The following WDR64 variants were observed in gnomAD, a reference collection of about 807,000 sequenced individuals.
WDR64 encodes WD repeat domain 64.
WDR64 carries 112 observed loss-of-function variants against 139.3 expected under a neutral mutation model. The observed-to-expected ratio is 0.80, with a 90% CI of 0.69 to 0.94. The LOEUF is 0.94. WDR64 is among the 40% of genes least tolerant of loss of function. WDR64 has a pLI of 0.00. For missense variants in WDR64, 1,206 were observed against 1,293.1 expected, an observed-to-expected ratio of 0.93 and a Z score of 1.03; for synonymous variants, 444 against 437.7, an observed-to-expected ratio of 1.01 and a Z score of -0.18.
chr1:241,729,814 T>G (rs190556611), intron 10 of WDR64, among the ~76,000 whole-genome samples: 2 of 152,172 alleles, frequency 1.3e-5, no homozygotes, highest in Non-Finnish European at 2.9e-5. Flanking sequence ...TGCTTTCTGT[T>G]TGTATGGGAT....
At chr1:241,779,067 T>C (rs1043689801) in intron 21 of WDR64, among the ~76,000 whole-genome samples, 25 of 152,146 alleles carry the variant, frequency 1.6e-4, no homozygotes, top group African/African-American at 6.0e-4. Flanking sequence ...AGTGACAAAT[T>C]ATCTCAATTT....
At chr1:241,692,288 T>C (rs1442078805) in intron 8 of WDR64, among the ~76,000 whole-genome samples, 1 of 152,216 alleles carries the variant, frequency 6.6e-6, no homozygotes, top group Non-Finnish European at 1.5e-5. Flanking sequence ...TTTGTGAATC[T>C]TGACAAGTTC....
intron 8 of WDR64, among the ~76,000 whole-genome samples, chr1:241,702,120 G>C (rs1339354108): frequency 1.3e-5 from 2 of 152,214 alleles, no homozygotes; most frequent in Non-Finnish European, 2.9e-5. Context: ...GTTGCCTGTT[G>C]CAAGACATAA....
chr1:241,794,480 G>A (rs1659298556), intron 25 of WDR64, among the ~76,000 whole-genome samples: 1 of 146,282 alleles, frequency 6.8e-6, no homozygotes, highest in African/African-American at 2.5e-5. Flanking sequence ...ATAATTGAAT[G>A]CCCCACATAT....
At chr1:241,793,412 T>C (rs1320203750) in intron 25 of WDR64, among the ~76,000 whole-genome samples, 2 of 152,144 alleles carry the variant, frequency 1.3e-5, no homozygotes, top group African/African-American at 4.8e-5. Flanking sequence ...GTCATTATTC[T>C]TTAACAGTAT....
chr1:241,691,773 G>T (rs1040848731), intron 8 of WDR64, among the ~76,000 whole-genome samples: 2 of 152,114 alleles, frequency 1.3e-5, no homozygotes, highest in African/African-American at 4.8e-5. Flanking sequence ...CAGCACTTTG[G>T]GGGGCCAAGG....
At chr1:241,662,608 T>G (rs901485065) in intron 2 of WDR64, among the ~76,000 whole-genome samples, 1 of 152,210 alleles carries the variant, frequency 6.6e-6, no homozygotes, top group Non-Finnish European at 1.5e-5. Context: ...GCTCATCATA[T>G]TTGTCATATT....
intron 21 of WDR64, among the ~76,000 whole-genome samples, chr1:241,776,354 C>G (rs1264642543): frequency 2.0e-5 from 3 of 152,150 alleles, no homozygotes; most frequent in Non-Finnish European, 4.4e-5. Flanking sequence ...ACTGGGATTA[C>G]AGGCATGAGC....
In WDR64 at chr1:241,801,812, A is replaced by C. The variant is rs185171875; in HGVS notation, c.*597A>C. On this transcript the variant is annotated 3_prime_UTR_variant, in exon 28 of 28. Coordinates refer to ENST00000437684, the MANE Select transcript of WDR64 (RefSeq NM_001367482.1). ...GAAAGGAAGAAAAATGGGTCATAGA[A>C]ATAGAAAAAGCATAGTAACATGGTA... 3.8e-5 allele frequency: 15 copies of C among 398,374 alleles called. No individual in the cohort carries two copies. The Admixed American group carries it at 5.7e-4, about 15-fold the overall frequency. 24.7% of individuals were successfully genotyped at this position (398,374 alleles called of 1,614,324 possible).
At chr1:241,756,691 G>A (rs549555332) in intron 14 of WDR64, among the ~76,000 whole-genome samples, 1 of 152,238 alleles carries the variant, frequency 6.6e-6, no homozygotes, top group Non-Finnish European at 1.5e-5. Context: ...TAGAGAAGTG[G>A]TTTGGTGATA....
chr1:241,798,672 T>A (rs1215205969), intron 27 of WDR64, among the ~76,000 whole-genome samples: 1 of 152,226 alleles, frequency 6.6e-6, no homozygotes, highest in Non-Finnish European at 1.5e-5. Flanking sequence ...CCCTGCACTG[T>A]TCTGGGCACC....
chr1:241,688,502 C>G (rs886754173), intron 8 of WDR64, among the ~76,000 whole-genome samples: 3 of 152,156 alleles, frequency 2.0e-5, no homozygotes, highest in African/African-American at 7.2e-5. Flanking sequence ...CATCGAGACT[C>G]CTGGCTGCCT....
chr1:241,746,504 A>G (rs1669759579), intron 13 of WDR64, among the ~76,000 whole-genome samples: 1 of 151,348 alleles, frequency 6.6e-6, no homozygotes, highest in African/African-American at 2.5e-5. Flanking sequence ...ACAACGGAAT[A>G]CCATAGAGTG....
At chr1:241,723,985 TAAA>T (rs1668707927) in intron 10 of WDR64, among the ~76,000 whole-genome samples, 1 of 151,492 alleles carries the variant, frequency 6.6e-6, no homozygotes, top group South Asian at 2.1e-4. Flanking sequence ...AATAAGGAAA[TAAA>T]TAAATAAATG....
chr1:241,771,780 AATAT>A (rs1161651730), intron 19 of WDR64, 83 bp downstream of exon 19: 1 of 800,464 alleles, frequency 1.2e-6, no homozygotes, highest in East Asian at 3.4e-5. Flanking sequence ...ATTCTTAATG[AATAT>A]ATATATTCCT....
At chr1:241,670,170 A>AT (rs1666169176) in intron 2 of WDR64, among the ~76,000 whole-genome samples, 1 of 152,058 alleles carries the variant, frequency 6.6e-6, no homozygotes, top group Non-Finnish European at 1.5e-5. Flanking sequence ...TATTTTCTTC[A>AT]TTTTTCAGAG....
intron 2 of WDR64, among the ~76,000 whole-genome samples, chr1:241,666,292 C>G (rs1666025370): frequency 6.6e-6 from 1 of 152,190 alleles, no homozygotes. Flanking sequence ...ATTTGCTGCT[C>G]TTTAACAGCA....
Position 241,800,830 on chromosome 1 carries a change from C to CTTGTT in WDR64, c.3193-288_3193-284dup, listed in dbSNP as rs548337299. On this transcript the variant is annotated intron_variant, in intron 27 of 27. Transcript: ENST00000437684. Reference sequence around the variant, plus strand: ...AATATTAATTATTAATTAACCAAGTCTTGTTTTGTTTTGTTTTGACCCAAC... The same window carrying CTTGTT: ...AATATTAATTATTAATTAACCAAGTCTTGTTTTGTTTTGTTTTGTTTTGACCCAAC... Among the ~76,000 whole-genome samples the CTTGTT allele has an allele frequency of 2.8e-3, 431 of 152,128 alleles. 1 individual carries two copies. Among genetic ancestry groups the CTTGTT allele is most frequent in the Middle Eastern group, 0.017 (5 of 292 alleles).
chr1:241,675,044 T>C (rs1666444830), intron 4 of WDR64, among the ~76,000 whole-genome samples: 1 of 39,626 alleles, frequency 2.5e-5, no homozygotes, highest in Non-Finnish European at 5.2e-5. Context: ...TCCTTCTTCT[T>C]TCCTTCCTTT....
Sources: gnomAD v4.1 joint callset for allele counts (sites outside exome capture counted in the v4.1 genomes callset) on GRCh38, gnomAD v4.1.1 for gene constraint, MANE v1.5 for transcripts, NCBI Gene and HGNC (gene_info 2026-07-23, HGNC 2026-07-21) for gene names.